BBS9: variants seen among roughly 807,000 people sequenced by gnomAD.
BBS9 encodes protein PTHB1.
BBS9 carries 89 observed loss-of-function variants against 117.7 expected under a neutral mutation model. The ratio of observed to expected loss-of-function variants is 0.76; its 90% CI spans 0.64 to 0.90. BBS9 has a LOEUF of 0.90. BBS9 is among the 40% of genes least tolerant of loss of function. The pLI, the probability that BBS9 is intolerant of heterozygous loss-of-function variation, is 0.00. For synonymous variants in BBS9, 379 were observed against 370.9 expected, an observed-to-expected ratio of 1.02 and a Z score of -0.25; for missense variants, 982 against 1,042.2, an observed-to-expected ratio of 0.94 and a Z score of 0.80.
At chr7:33,578,716 A>G (rs1859366367) in intron 21 of BBS9, among the ~76,000 whole-genome samples, 1 of 152,146 alleles carries the variant, frequency 6.6e-6, no homozygotes, top group Admixed American at 6.6e-5. Flanking sequence ...TTTACGTTGC[A>G]TTGCCTTTTG....
chr7:33,555,161 C>T (rs1331843390), intron 21 of BBS9, among the ~76,000 whole-genome samples: 1 of 152,180 alleles, frequency 6.6e-6, no homozygotes, highest in Admixed American at 6.5e-5. Context: ...TGAAAGAGCA[C>T]TGCCCCATCT....
chr7:33,616,153 A>G (rs1252570596), intron 21 of BBS9, among the ~76,000 whole-genome samples: 1 of 151,804 alleles, frequency 6.6e-6, no homozygotes, highest in Non-Finnish European at 1.5e-5. Context: ...AAAAATTTTT[A>G]TCTTTATTAG....
chr7:33,201,443 T>C (rs532085991), intron 5 of BBS9, among the ~76,000 whole-genome samples: 58 of 152,108 alleles, frequency 3.8e-4, no homozygotes, highest in African/African-American at 1.3e-3. Flanking sequence ...ACAAATTCCA[T>C]AGACTTTTAA....
At chr7:33,389,630 A>G (rs372696301) in intron 19 of BBS9, among the ~76,000 whole-genome samples, 8 of 146,480 alleles carry the variant, frequency 5.5e-5, no homozygotes, top group Non-Finnish European at 6.0e-5. Context: ...TGGAGGTTGC[A>G]GTGAGCCGAG....
intron 5 of BBS9, among the ~76,000 whole-genome samples, chr7:33,251,057 A>G (rs929581481): frequency 2.0e-5 from 3 of 152,096 alleles, no homozygotes. Flanking sequence ...TCAGAGGAAA[A>G]ATGCGCTGAT....
chr7:33,186,548 T>A (rs1391328246), intron 5 of BBS9, among the ~76,000 whole-genome samples: 1 of 152,210 alleles, frequency 6.6e-6, no homozygotes, highest in South Asian at 2.1e-4. Flanking sequence ...TCTTCATAGA[T>A]TATGGGAAAT....
intron 5 of BBS9, among the ~76,000 whole-genome samples, chr7:33,234,096 C>T (rs879210854): frequency 2.0e-5 from 3 of 152,088 alleles, no homozygotes; most frequent in Non-Finnish European, 2.9e-5. Context: ...ATGATCACAT[C>T]GACTGTGGTG....
At chr7:33,371,138 AG>A (rs1584530673) in intron 17 of BBS9, among the ~76,000 whole-genome samples, 2 of 152,334 alleles carry the variant, frequency 1.3e-5, no homozygotes, top group East Asian at 3.9e-4. Context: ...ACTGATGCTG[AG>A]TCAAAGATGA....
intron 3 of BBS9, among the ~76,000 whole-genome samples, chr7:33,154,714 C>G (rs191973187): frequency 6.6e-6 from 1 of 152,118 alleles, no homozygotes; most frequent in Admixed American, 6.5e-5. Context: ...GATCCACCGC[C>G]CCCTCCCACC....
intron 21 of BBS9, among the ~76,000 whole-genome samples, chr7:33,624,315 C>T (rs1348541372): frequency 6.6e-6 from 1 of 152,144 alleles, no homozygotes; most frequent in Admixed American, 6.5e-5. Flanking sequence ...TTTCCACCCA[C>T]CACCTACCAC....
chr7:33,576,775 T>G (rs957707675), intron 21 of BBS9, among the ~76,000 whole-genome samples: 6 of 152,188 alleles, frequency 3.9e-5, no homozygotes, highest in Admixed American at 3.9e-4. Flanking sequence ...CATCTGATCT[T>G]TGACAAACCT....
intron 5 of BBS9, among the ~76,000 whole-genome samples, chr7:33,187,881 C>T (rs1049303112): frequency 1.3e-5 from 2 of 151,974 alleles, no homozygotes; most frequent in African/African-American, 4.8e-5. Context: ...GAGATTGCAT[C>T]ATTGCACTCC....
chr7:33,204,527 T>C (rs1195886864), intron 5 of BBS9, among the ~76,000 whole-genome samples: 1 of 151,476 alleles, frequency 6.6e-6, no homozygotes, highest in African/African-American at 2.4e-5. Flanking sequence ...ACTTCTAAGG[T>C]GAAGGGACAG....
intron 6 of BBS9, among the ~76,000 whole-genome samples, chr7:33,258,036 T>G (rs951442393): frequency 3.9e-5 from 6 of 152,206 alleles, no homozygotes; most frequent in African/African-American, 1.4e-4. Context: ...TGAGAGAGAC[T>G]GTTTTCTTCT....
At chr7:33,159,522 A>T (rs1294903304) in intron 4 of BBS9, among the ~76,000 whole-genome samples, 2 of 152,064 alleles carry the variant, frequency 1.3e-5, no homozygotes, top group Non-Finnish European at 2.9e-5. Flanking sequence ...GTCTGTTGGG[A>T]CCTAGTGCAT....
chr7:33,226,591 C>T (rs1024974866), intron 5 of BBS9, among the ~76,000 whole-genome samples: 2 of 152,146 alleles, frequency 1.3e-5, no homozygotes, highest in African/African-American at 4.8e-5. Flanking sequence ...TTTATACATC[C>T]TTGTTCATTG....
chr7:33,585,095 C>T (rs1860662704), intron 21 of BBS9, among the ~76,000 whole-genome samples: 1 of 152,076 alleles, frequency 6.6e-6, no homozygotes. Flanking sequence ...GAGCCACTTT[C>T]TCTCCTTTGT....
chr7:33,413,085 A>G (rs948176054), intron 19 of BBS9, among the ~76,000 whole-genome samples: 1 of 152,214 alleles, frequency 6.6e-6, no homozygotes, highest in Non-Finnish European at 1.5e-5. Flanking sequence ...CTTAGTTAAC[A>G]CTGGGTAATG....
chr7:33,177,814 GTA>G, intron 5 of BBS9: 1 of 509,860 alleles, frequency 2.0e-6, no homozygotes, highest in Non-Finnish European at 3.5e-6. Flanking sequence ...GGCCTGGTTA[GTA>G]CTTGGATAGG....
Sources: allele counts gnomAD v4.1 joint callset (sites outside exome capture counted in the v4.1 genomes callset), GRCh38; gene constraint gnomAD v4.1.1; transcripts MANE v1.5; gene names NCBI Gene and HGNC (gene_info 2026-07-23, HGNC 2026-07-21).